The following FAM78B variants were observed in gnomAD, a reference collection of about 807,000 sequenced individuals.
FAM78B encodes the protein protein FAM78B.
In FAM78B, 10 loss-of-function variants were observed where a neutral mutation model predicts 20.0. The observed-to-expected ratio is 0.50, with a 90% confidence interval of 0.31 to 0.85. FAM78B has a LOEUF of 0.85. FAM78B is among the 40% of genes least tolerant of loss of function. FAM78B has a pLI of 0.05. For missense variants in FAM78B, 283 were observed against 345.0 expected, an observed-to-expected ratio of 0.82 and a Z score of 1.42; for synonymous variants, 135 against 132.8, an observed-to-expected ratio of 1.02 and a Z score of -0.12.
At chr1:166,092,209 T>C (rs1653104623) in intron 1 of FAM78B, among the ~76,000 whole-genome samples, 1 of 152,206 alleles carries the variant, frequency 6.6e-6, no homozygotes, top group African/African-American at 2.4e-5. Flanking sequence ...CCATCAATGT[T>C]TGTTAATTAT....
At chr1:166,084,669 A>C (rs1652737972) in intron 1 of FAM78B, among the ~76,000 whole-genome samples, 1 of 152,206 alleles carries the variant, frequency 6.6e-6, no homozygotes, top group East Asian at 1.9e-4. Flanking sequence ...ACCTGGGTCC[A>C]CGTCTACTCT....
chr1:166,086,274 C>T (rs1652824703), intron 1 of FAM78B, among the ~76,000 whole-genome samples: 1 of 152,102 alleles, frequency 6.6e-6, no homozygotes, highest in Non-Finnish European at 1.5e-5. Flanking sequence ...GATTCTCCCT[C>T]CCCCACCATC....
intron 1 of FAM78B, among the ~76,000 whole-genome samples, chr1:166,091,908 CAG>C (rs1305795185): frequency 6.6e-6 from 1 of 152,124 alleles, no homozygotes; most frequent in Non-Finnish European, 1.5e-5. Flanking sequence ...GTGATGGAGA[CAG>C]AGGTCTTAAA....
intron 1 of FAM78B, among the ~76,000 whole-genome samples, chr1:166,080,399 A>G (rs1418622631): frequency 6.6e-6 from 1 of 152,190 alleles, no homozygotes; most frequent in Non-Finnish European, 1.5e-5. Context: ...ACAGCAGGGG[A>G]TCTCCAAGAC....
At chr1:166,156,563 C>T (rs1441890535) in intron 1 of FAM78B, among the ~76,000 whole-genome samples, 20 of 152,190 alleles carry the variant, frequency 1.3e-4, no homozygotes, top group Non-Finnish European at 2.8e-4. Context: ...GCTTGCTTAT[C>T]TGAAATAGGA....
chr1:166,071,922 C>T (rs1481865042), intron 1 of FAM78B, among the ~76,000 whole-genome samples: 1 of 152,176 alleles, frequency 6.6e-6, no homozygotes, highest in Non-Finnish European at 1.5e-5. Flanking sequence ...GAGAACTGGA[C>T]TGGACCCCAG....
chr1:166,128,399 G>T (rs1175082810), intron 1 of FAM78B, among the ~76,000 whole-genome samples: 1 of 152,256 alleles, frequency 6.6e-6, no homozygotes, highest in Non-Finnish European at 1.5e-5. Flanking sequence ...TGGGCTGGCA[G>T]TCAGACACCT....
chr1:166,117,457 C>T (rs1654304668), intron 1 of FAM78B, among the ~76,000 whole-genome samples: 1 of 151,962 alleles, frequency 6.6e-6, no homozygotes, highest in Non-Finnish European at 1.5e-5. Flanking sequence ...GTCTTAGCAC[C>T]CCATATCACA....
At chr1:166,125,494 AT>A (rs2101772779) in intron 1 of FAM78B, among the ~76,000 whole-genome samples, 1 of 152,338 alleles carries the variant, frequency 6.6e-6, no homozygotes, top group South Asian at 2.1e-4. Flanking sequence ...CAGCAAATTT[AT>A]CAATGTCAAA....
chr1:166,117,709 T>C (rs939559758), intron 1 of FAM78B, among the ~76,000 whole-genome samples: 2 of 152,212 alleles, frequency 1.3e-5, no homozygotes, highest in African/African-American at 4.8e-5. Context: ...TCTGAAAGAA[T>C]GCACTTAAAA....
At chr1:166,064,367 C>CT (rs570151902), downstream of FAM78B, among the ~76,000 whole-genome samples, 55 of 152,242 alleles carry the variant, frequency 3.6e-4, no homozygotes, top group African/African-American at 1.3e-3. Flanking sequence ...AATCTCTTGT[C>CT]TGAGACCATA....
intron 1 of FAM78B, among the ~76,000 whole-genome samples, chr1:166,123,734 C>G (rs1012060679): frequency 5.3e-5 from 8 of 152,142 alleles, no homozygotes; most frequent in African/African-American, 1.9e-4. Flanking sequence ...GGGGTCAGGA[C>G]AGGGGCCTTC....
chr1:166,120,106 A>G (rs1224727601), intron 1 of FAM78B, among the ~76,000 whole-genome samples: 1 of 152,232 alleles, frequency 6.6e-6, no homozygotes, highest in African/African-American at 2.4e-5. Context: ...CGAGAATCAA[A>G]GATAAATAAA....
chr1:166,061,385 T>A (rs1651592735), intron 2 of FAM78B, among the ~76,000 whole-genome samples: 1 of 152,244 alleles, frequency 6.6e-6, no homozygotes. Context: ...TGATATGCTC[T>A]GTCTGCTTAC....
At chr1:166,130,689 T>C (rs993973442) in intron 1 of FAM78B, among the ~76,000 whole-genome samples, 2 of 152,160 alleles carry the variant, frequency 1.3e-5, no homozygotes, top group African/African-American at 4.8e-5. Context: ...ACTTATTAAT[T>C]AAAATAAGTA....
chr1:166,163,972 C>G (rs1184432994), intron 1 of FAM78B, among the ~76,000 whole-genome samples: 1 of 152,192 alleles, frequency 6.6e-6, no homozygotes, highest in Non-Finnish European at 1.5e-5. Context: ...GTCAGGAATC[C>G]TGTCACTGAT....
intron 1 of FAM78B, among the ~76,000 whole-genome samples, chr1:166,118,972 C>T (rs1341965262): frequency 1.3e-5 from 2 of 152,056 alleles, no homozygotes; most frequent in East Asian, 1.9e-4. Context: ...AGTGACTGGC[C>T]CAGGGTCACT....
At chr1:166,159,333 CA>C (rs375396691) in intron 1 of FAM78B, among the ~76,000 whole-genome samples, 129 of 152,262 alleles carry the variant, frequency 8.5e-4, no homozygotes, top group Non-Finnish European at 1.5e-3. Context: ...GCAGGTTACC[CA>C]ACCCCCTGAG....
intron 1 of FAM78B, among the ~76,000 whole-genome samples, chr1:166,101,765 A>G (rs1653528775): frequency 6.6e-6 from 1 of 151,888 alleles, no homozygotes; most frequent in African/African-American, 2.4e-5. Flanking sequence ...GGAGAATGGA[A>G]CCAAGTTGGA....
Sources: allele counts gnomAD v4.1 joint callset (sites outside exome capture counted in the v4.1 genomes callset), GRCh38; gene constraint gnomAD v4.1.1; transcripts MANE v1.5; gene names NCBI Gene and HGNC (gene_info 2026-07-23, HGNC 2026-07-21).